SLC25A33: variants seen among roughly 807,000 people sequenced by gnomAD.
The protein encoded by SLC25A33 is bone marrow stromal cell mitochondrial carrier protein.
A neutral mutation model predicts 35.5 loss-of-function variants in SLC25A33; 15 were observed. That is an observed-to-expected ratio of 0.42 (90% CI 0.28 to 0.65). The LOEUF (loss-of-function observed/expected upper bound fraction) is 0.65, where lower values mean the gene tolerates loss of function less well. Ranked by LOEUF, SLC25A33 falls within the 30% of genes least tolerant of loss-of-function variation. The probability of loss-of-function intolerance (pLI) is 0.20; values close to 1 mark genes in which losing one functional copy is unlikely to be tolerated. For missense variants in SLC25A33, 257 were observed against 398.5 expected, an observed-to-expected ratio of 0.64 and a Z score of 3.02; for synonymous variants, 136 against 148.7, an observed-to-expected ratio of 0.91 and a Z score of 0.62.
intron 2 of SLC25A33, among the ~76,000 whole-genome samples, chr1:9,567,038 A>G (rs1643517858): frequency 6.6e-6 from 1 of 152,066 alleles, no homozygotes; most frequent in Admixed American, 6.6e-5. Flanking sequence ...AAAAAGAAAA[A>G]AAAAAGGGAG....
chr1:9,582,174 A>G lies in SLC25A33; in HGVS notation c.764-125A>G. 8.0e-6 allele frequency: 8 copies of G among 1,003,236 alleles called. No individual in the cohort carries two copies. Among genetic ancestry groups the G allele is most frequent in the African/African-American group, 1.6e-5 (1 of 62,172 alleles). The allele number at this position is 1,003,236 out of a possible 1,614,324, so 62.1% of individuals were successfully genotyped here. On this transcript the variant is annotated intron_variant, in intron 6 of 6. Coordinates refer to ENST00000302692, the MANE Select transcript of SLC25A33 (RefSeq NM_032315.3). The surrounding 1 kb of genome is among the most constrained non-coding windows in gnomAD (Gnocchi z 4.0). The stretch of plus-strand genomic sequence containing the variant: ...AGTGATCCACCCGCCTCGGCCTCCC[A>G]AAGTTCTGGGATTACAGGTGTGAGC...
Position 9,578,321 on chromosome 1 carries a change from A to G in SLC25A33, c.483-1633A>G, listed in dbSNP as rs1255772051. The stretch of plus-strand genomic sequence containing the variant: ...TCTATGCGGAGATAATAAAGAAGGG[A>G]GAGAGGCCAGCTGAGACTGAAGCCC... On this transcript the variant is annotated intron_variant, in intron 5 of 6. Transcript: ENST00000302692. This position sits in a 1 kb window ranked among gnomAD's most constrained non-coding sequence, Gnocchi z 4.3. Among the ~76,000 whole-genome samples, 1 of 152,286 alleles carries G rather than the reference A, an allele frequency of 6.6e-6. No individual in the cohort carries two copies. The highest frequency in any genetic ancestry group is 2.4e-5 in the African/African-American group (1 of 41,564).
At chr1:9,571,990 A>C (rs1643596996) in intron 4 of SLC25A33, among the ~76,000 whole-genome samples, 1 of 152,168 alleles carries the variant, frequency 6.6e-6, no homozygotes, top group South Asian at 2.1e-4. Flanking sequence ...AAAAATTTGC[A>C]TCTCCTACCA....
intron 1 of SLC25A33, among the ~76,000 whole-genome samples, chr1:9,541,907 C>T (rs1259296955): frequency 1.3e-5 from 2 of 151,852 alleles, no homozygotes; most frequent in African/African-American, 4.8e-5. Flanking sequence ...TCACGCCATT[C>T]TCCCGCCTCA....
chr1:9,578,700 G>A lies in SLC25A33; in HGVS notation c.483-1254G>A, dbSNP rs1355811689. ...TGGCCAGGCTGGTCTTGAACTCCTG[G>A]CCTCAAGCAGTCCTCCCGCCTTGGC... is the stretch of plus-strand genomic sequence containing the variant. On this transcript the variant is annotated intron_variant, in intron 5 of 6. Coordinates refer to ENST00000302692, the MANE Select transcript of SLC25A33 (RefSeq NM_032315.3). The surrounding 1 kb of genome is among the most constrained non-coding windows in gnomAD (Gnocchi z 4.3). 6.6e-6 allele frequency among the ~76,000 whole-genome samples: 1 copy of A among 151,954 alleles called. No homozygotes were observed. Among genetic ancestry groups the A allele is most frequent in the African/African-American group, 2.4e-5 (1 of 41,368 alleles).
chr1:9,569,504 T>C (rs998360595), intron 3 of SLC25A33, among the ~76,000 whole-genome samples: 1 of 152,184 alleles, frequency 6.6e-6, no homozygotes, highest in Non-Finnish European at 1.5e-5. Flanking sequence ...TGATGCAGAT[T>C]CCTGACTGCC....
rs1643041235 is a variant in SLC25A33, at chr1:9,539,554, A to AGCCCGCGCGCGCATGGAGGCGTTGCC, written c.-136_-111dup. On this transcript the variant is annotated 5_prime_UTR_variant, in exon 1 of 7. It adds an upstream start codon to the 5' untranslated region. Coordinates refer to ENST00000302692, the MANE Select transcript of SLC25A33 (RefSeq NM_032315.3). Reference sequence around the variant, plus strand: ...CGGGCCGAGCAGAGCCGGGCGTTGGAGCCCGCGCGCGCATGGAGGCGTTGC... The same window carrying AGCCCGCGCGCGCATGGAGGCGTTGCC: ...CGGGCCGAGCAGAGCCGGGCGTTGGAGCCCGCGCGCGCATGGAGGCGTTGCCGCCCGCGCGCGCATGGAGGCGTTGC... 3 of 531,748 alleles carry AGCCCGCGCGCGCATGGAGGCGTTGCC rather than the reference A, an allele frequency of 5.6e-6. No homozygotes were observed. Among genetic ancestry groups the AGCCCGCGCGCGCATGGAGGCGTTGCC allele is most frequent in the South Asian group, 7.1e-5 (1 of 14,106 alleles). The allele number at this position is 531,748 out of a possible 1,614,324, so 32.9% of individuals were successfully genotyped here. A position where few individuals can be genotyped will look rare whatever the true frequency, so the allele number is the denominator to read the frequency against.
At chr1:9,547,138 T>C (rs891569734) in intron 1 of SLC25A33, among the ~76,000 whole-genome samples, 8 of 152,306 alleles carry the variant, frequency 5.3e-5, no homozygotes, top group African/African-American at 1.9e-4. Context: ...AGTTCAATCC[T>C]GTCCTCTGTG....
At chr1:9,556,343 A>G in intron 2 of SLC25A33, 1 of 724,410 alleles carries the variant, frequency 1.4e-6, no homozygotes, top group Non-Finnish European at 1.7e-6. Context: ...GTAACTGGGG[A>G]ACTGTTACCC....
chr1:9,563,353 T>G (rs568204963), intron 2 of SLC25A33, among the ~76,000 whole-genome samples: 1 of 152,316 alleles, frequency 6.6e-6, no homozygotes, highest in African/African-American at 2.4e-5. Flanking sequence ...ATTCTTTATT[T>G]TAAACATCCA....
chr1:9,564,739 A>AAAAAAAAAAAAAATATATATAT (rs60174872), intron 2 of SLC25A33, among the ~76,000 whole-genome samples: 1 of 96,584 alleles, frequency 1.0e-5, no homozygotes, highest in African/African-American at 4.4e-5. Flanking sequence ...AAAAAAAAAA[A>AAAAAAAAAAAAAATATATATAT]ATATATATAT....
At chr1:9,565,607 A>G (rs1442171476) in intron 2 of SLC25A33, among the ~76,000 whole-genome samples, 1 of 147,274 alleles carries the variant, frequency 6.8e-6, no homozygotes, top group African/African-American at 2.5e-5. Flanking sequence ...GGCTGGGTGC[A>G]TTGGCTCACG....
At chr1:9,560,215 G>A (rs1203563457) in intron 2 of SLC25A33, among the ~76,000 whole-genome samples, 2 of 150,172 alleles carry the variant, frequency 1.3e-5, no homozygotes, top group Non-Finnish European at 3.0e-5. Context: ...TCACGCCACT[G>A]CCTTCCAGCC....
chr1:9,546,048 A>G (rs1395479155), intron 1 of SLC25A33, among the ~76,000 whole-genome samples: 2 of 152,108 alleles, frequency 1.3e-5, no homozygotes, highest in African/African-American at 4.8e-5. Context: ...AAATTAGGCA[A>G]ATAGACTTCA....
intron 1 of SLC25A33, among the ~76,000 whole-genome samples, chr1:9,548,449 G>A (rs538161602): frequency 6.2e-4 from 94 of 152,090 alleles, no homozygotes; most frequent in Non-Finnish European, 1.2e-3. Flanking sequence ...AGGTAGGGTG[G>A]CACACGCCTG....
At chr1:9,546,913 C>CA (rs1439912299) in intron 1 of SLC25A33, among the ~76,000 whole-genome samples, 1 of 152,174 alleles carries the variant, frequency 6.6e-6, no homozygotes, top group Non-Finnish European at 1.5e-5. Context: ...GAAGGGCTTC[C>CA]AGCAGCAGCT....
chr1:9,550,498 A>T (rs1415278646), intron 1 of SLC25A33, among the ~76,000 whole-genome samples: 1 of 152,120 alleles, frequency 6.6e-6, no homozygotes, highest in Admixed American at 6.6e-5. Context: ...ACGTTATCGA[A>T]CACAAATAGA....
chr1:9,556,092 C>A, intron 2 of SLC25A33: 1 of 625,692 alleles, frequency 1.6e-6, no homozygotes, highest in Non-Finnish European at 2.0e-6. Flanking sequence ...TGGAGGGACA[C>A]TTTGCTCTCA....
chr1:9,572,767 T>C (rs897593170), intron 4 of SLC25A33, among the ~76,000 whole-genome samples: 1 of 151,842 alleles, frequency 6.6e-6, no homozygotes, highest in Non-Finnish European at 1.5e-5. Flanking sequence ...TGATTCACAG[T>C]GTTAGGTGAG....
Sources: gnomAD v4.1 joint callset for allele counts (sites outside exome capture counted in the v4.1 genomes callset) on GRCh38, gnomAD v4.1.1 for gene constraint, Gnocchi (gnomAD v3.1) non-coding constraint, MANE v1.5 for transcripts, NCBI Gene and HGNC (gene_info 2026-07-23, HGNC 2026-07-21) for gene names.